D2HGDH: variants seen among roughly 807,000 people sequenced by gnomAD.
The protein encoded by D2HGDH is D-2-hydroxyglutarate dehydrogenase, mitochondrial.
A neutral mutation model predicts 46.9 loss-of-function variants in D2HGDH; 31 were observed. That is an observed-to-expected ratio of 0.66 (90% CI 0.50 to 0.89). D2HGDH has a LOEUF of 0.89. D2HGDH is among the 40% of genes least tolerant of loss of function. D2HGDH has a pLI of 0.00. For synonymous variants in D2HGDH, 364 were observed against 332.6 expected (o/e 1.09, Z -1.03); for missense variants, 698 against 720.8 (o/e 0.97, Z 0.36).
intron 2 of D2HGDH, among the ~76,000 whole-genome samples, chr2:241,736,500 C>A (rs774480989): frequency 3.4e-4 from 51 of 152,128 alleles, no homozygotes; most frequent in Non-Finnish European, 6.8e-4. Context: ...GCCCCAGGTA[C>A]CAAATTACTC....
At chr2:241,760,515 G>A (rs1235075169) in intron 9 of D2HGDH, among the ~76,000 whole-genome samples, 4 of 151,340 alleles carry the variant, frequency 2.6e-5, no homozygotes, top group African/African-American at 7.3e-5. Context: ...CTTTGCCACA[G>A]CGTGGGTGGG....
At chr2:241,759,710 G>GT (rs1698561965) in intron 9 of D2HGDH, among the ~76,000 whole-genome samples, 1 of 152,016 alleles carries the variant, frequency 6.6e-6, no homozygotes, top group African/African-American at 2.4e-5. Context: ...TTTTTCCTCT[G>GT]TTTTTTGCTC....
At chr2:241,750,385 G>C in intron 7 of D2HGDH, 91 bp downstream of exon 7, 1 of 1,446,844 alleles carries the variant, frequency 6.9e-7, no homozygotes, top group Non-Finnish European at 9.4e-7. Context: ...CGGGTGGGCG[G>C]GGGGTGCCCG....
In D2HGDH at chr2:241,767,811, G is replaced by A; in HGVS notation, c.1408G>A (p.Gly470Ser). Residue 470 changes from glycine (G) to serine (S), a missense_variant, in exon 10 of 10, where the codon GGC becomes AGC. By Grantham distance (56) the Gly-to-Ser change is moderately conservative. Coordinates refer to ENST00000321264, the MANE Select transcript of D2HGDH (RefSeq NM_152783.5). The part of the protein sequence containing the change: ...HVYEWTAGQQ[G>S]SVSAEHGVGF... ...GTACGAGTGGACGGCCGGGCAGCAG[G>A]GCAGCGTCAGCGCGGAGCACGGAGT... 6.2e-7 allele frequency: 1 copy of A among 1,612,404 alleles called. No homozygotes were observed. Among genetic ancestry groups the A allele is most frequent in the Non-Finnish European group, 8.5e-7 (1 of 1,179,514 alleles).
chr2:241,755,237 C>T (rs1291005952), intron 8 of D2HGDH: 31 of 1,115,894 alleles, frequency 2.8e-5, no homozygotes, highest in Non-Finnish European at 3.6e-5. Flanking sequence ...CCTTCCCTCC[C>T]CCGTGGCCCA....
rs1692416638 is a variant in D2HGDH at position 241,735,192 on chromosome 2, A to G, written c.-33A>G. 6.7e-7 allele frequency: 1 copy of G among 1,496,086 alleles called. No individual in the cohort carries two copies. Among genetic ancestry groups the G allele is most frequent in the Non-Finnish European group, 8.8e-7 (1 of 1,131,844 alleles). 92.7% of individuals were successfully genotyped at this position (1,496,086 alleles called of 1,614,324 possible). The stretch of plus-strand genomic sequence containing the variant: ...GGGCCCTGAGTACCGGCCCCCCACC[A>G]AGGAGGAGCCCGAGGTCTCCGTCCC... On this transcript the variant is annotated 5_prime_UTR_variant, in exon 2 of 10. Transcript: ENST00000321264.
At position 241,755,117 on chromosome 2, in the gene D2HGDH, T is replaced by C. The variant is rs369219787; in HGVS notation, c.1141-732T>C. 211 of 1,304,056 alleles carry C rather than the reference T, an allele frequency of 1.6e-4. 1 individual carries two copies. The African/African-American group carries it at 2.9e-3, about 18-fold the overall frequency. 80.8% of individuals were successfully genotyped at this position (1,304,056 alleles called of 1,614,324 possible). ...GGCCGATCTGTCTGAGCCCTAGGAT[T>C]TGGCCCGGTTCTGCTTCAGCCACCA... On this transcript the variant is annotated intron_variant, in intron 8 of 9. Coordinates refer to ENST00000321264, the MANE Select transcript of D2HGDH (RefSeq NM_152783.5).
In D2HGDH at chr2:241,742,568, G is replaced by A. The variant is rs868052442; in HGVS notation, c.484G>A (p.Val162Met). ...RMNRVLSFHS[V>M]SGILVCQAGC... ...GAACCGGGTCCTCAGCTTCCACAGC[G>A]TGTCTGGTAAGCCTGTGCCACCCGT... The change falls in exon 4 of 10, where the codon GTG becomes ATG. Residue 162 changes from valine to methionine, a missense_variant. By Grantham distance (21) the Val-to-Met change is conservative. Coordinates refer to ENST00000321264, the MANE Select transcript of D2HGDH (RefSeq NM_152783.5). This position sits in a 1 kb window ranked among gnomAD's most constrained non-coding sequence, Gnocchi z 4.8. The A allele has an allele frequency of 6.2e-6, 10 of 1,613,998 alleles. No homozygotes were observed. The African/African-American group carries it at 8.0e-5, about 13-fold the overall frequency.
At chr2:241,750,061 G>A in intron 6 of D2HGDH, 90 bp from the exon 7 acceptor site, 1 of 1,595,772 alleles carries the variant, frequency 6.3e-7, no homozygotes, top group Non-Finnish European at 8.6e-7. Flanking sequence ...CCACCCACAT[G>A]AGTCGGGCTG....
chr2:241,745,005 C>A, intron 6 of D2HGDH, 128 bp downstream of exon 6: 1 of 1,242,784 alleles, frequency 8.0e-7, no homozygotes, highest in Non-Finnish European at 1.1e-6. Context: ...TCCCGTGTCT[C>A]CTGACATCTC....
chr2:241,748,735 A>G (rs1696525189), intron 6 of D2HGDH: 1 of 959,496 alleles, frequency 1.0e-6, no homozygotes, highest in Non-Finnish European at 1.3e-6. Flanking sequence ...TCACCACCTG[A>G]CCCCGGAACG....
rs1334787747 is a variant in D2HGDH, at chr2:241,768,298, T to C, written c.*329T>C. 2.2e-5 allele frequency: 7 copies of C among 316,602 alleles called. No individual in the cohort carries two copies. The highest frequency in any genetic ancestry group is 4.1e-5 in the Non-Finnish European group (7 of 169,534). 19.6% of individuals were successfully genotyped at this position (316,602 alleles called of 1,614,324 possible). A position where few individuals can be genotyped will look rare whatever the true frequency, so the allele number is the denominator to read the frequency against. ...TGGTGGCCCCTGGCCCCATCTTGCC[T>C]GCTGCGGCCTGGGGAGCAGGCGCTG... On this transcript the variant is annotated 3_prime_UTR_variant, in exon 10 of 10. Coordinates refer to ENST00000321264, the MANE Select transcript of D2HGDH (RefSeq NM_152783.5).
intron 6 of D2HGDH, chr2:241,749,823 T>G: frequency 5.1e-6 from 2 of 392,980 alleles, no homozygotes; most frequent in Non-Finnish European, 9.8e-6. Flanking sequence ...CCTCCTGGCA[T>G]CTGATGCTGG....
At chr2:241,754,932 A>T (rs1228331784) in intron 8 of D2HGDH, 4 of 1,059,682 alleles carry the variant, frequency 3.8e-6, no homozygotes, top group African/African-American at 1.7e-5. Context: ...TCCTGAAATG[A>T]TAGGGTCTCT....
chr2:241,744,305 C>G (rs535789273), intron 5 of D2HGDH, among the ~76,000 whole-genome samples: 1 of 152,294 alleles, frequency 6.6e-6, no homozygotes, highest in African/African-American at 2.4e-5. Context: ...GCTTCAGTAG[C>G]TTTTTTTTCT....
In D2HGDH at chr2:241,757,058, G is replaced by A. The variant is rs1698259031; in HGVS notation, c.1306+1044G>A. 2.0e-5 allele frequency among the ~76,000 whole-genome samples: 3 copies of A among 152,342 alleles called. 1 individual carries two copies. The South Asian group carries it at 6.2e-4, about 32-fold the overall frequency. On this transcript the variant is annotated intron_variant, in intron 9 of 9. Coordinates refer to ENST00000321264, the MANE Select transcript of D2HGDH (RefSeq NM_152783.5). Reference sequence around the variant, plus strand: ...TGGTTACAGGAGGGTCTAGGGTTGTGTACGTGACGACAATAACACGTATTA... The same window carrying A: ...TGGTTACAGGAGGGTCTAGGGTTGTATACGTGACGACAATAACACGTATTA...
intron 2 of D2HGDH, among the ~76,000 whole-genome samples, chr2:241,739,339 T>G (rs767089034): frequency 1.3e-5 from 2 of 152,196 alleles, no homozygotes; most frequent in Non-Finnish European, 2.9e-5. Context: ...TTGCCATGAG[T>G]CCTGGGGCTC....
At position 241,735,322 on chromosome 2, in the gene D2HGDH, G is replaced by A; in HGVS notation, c.98G>A (p.Arg33His). 2.6e-6 allele frequency: 4 copies of A among 1,540,326 alleles called. No homozygotes were observed. The highest frequency in any genetic ancestry group is 1.2e-5 in the South Asian group (1 of 84,206). ...SWGRPVGPLA[R>H]RGCCSAPGTP... ...GGTCGGCCGGTTGGCCCCCTGGCCCGCAGAGGCTGCTGCTCCGCCCCGGGG... is the reference window on the plus strand; with the variant it reads ...GGTCGGCCGGTTGGCCCCCTGGCCCACAGAGGCTGCTGCTCCGCCCCGGGG... The change falls in exon 2 of 10, where the codon CGC (arginine) becomes CAC (histidine). Residue 33 changes from arginine to histidine, a missense_variant. Coordinates refer to ENST00000321264, the MANE Select transcript of D2HGDH (RefSeq NM_152783.5).
intron 6 of D2HGDH, among the ~76,000 whole-genome samples, chr2:241,745,978 T>G (rs1228524571): frequency 6.6e-6 from 1 of 152,218 alleles, no homozygotes; most frequent in Admixed American, 6.5e-5. Context: ...CTTGGGCCAC[T>G]TAAAGATCAT....
Sources: gnomAD v4.1 joint callset for allele counts (sites outside exome capture counted in the v4.1 genomes callset) on GRCh38, gnomAD v4.1.1 for gene constraint, Gnocchi (gnomAD v3.1) non-coding constraint, MANE v1.5 for transcripts, NCBI Gene and HGNC (gene_info 2026-07-23, HGNC 2026-07-21) for gene names.